The following FKBP9 variants were observed in gnomAD, a reference collection of about 807,000 sequenced individuals.
FKBP9 encodes the protein peptidyl-prolyl cis-trans isomerase FKBP9.
Under a neutral mutation model 55.6 loss-of-function variants are expected in FKBP9, and 27 were observed. The ratio of observed to expected loss-of-function variants is 0.49; its 90% CI spans 0.36 to 0.67. The LOEUF (loss-of-function observed/expected upper bound fraction) is 0.67. Among genes scored for constraint, FKBP9 ranks in the 30% least tolerant of loss-of-function variants. The probability of loss-of-function intolerance (pLI) is 0.00; values close to 1 mark genes in which losing one functional copy is unlikely to be tolerated. For synonymous variants in FKBP9, 267 were observed against 296.5 expected, an observed-to-expected ratio of 0.90 and a Z score of 1.02; for missense variants, 539 against 742.8, an observed-to-expected ratio of 0.73 and a Z score of 3.19.
At chr7:33,004,103 C>T (rs184075858) in intron 9 of FKBP9, among the ~76,000 whole-genome samples, 62 of 152,164 alleles carry the variant, frequency 4.1e-4, no homozygotes, top group African/African-American at 1.4e-3. Flanking sequence ...TCTCGTAGGC[C>T]GTAATGGTCC....
intron 1 of FKBP9, among the ~76,000 whole-genome samples, chr7:32,960,860 T>C (rs767369350): frequency 1.9e-4 from 29 of 152,242 alleles, no homozygotes; most frequent in Non-Finnish European, 3.7e-4. Context: ...AGTTCACACA[T>C]AGTTCTTACC....
At chr7:33,004,276 TCA>T (rs1332852055) in intron 9 of FKBP9, among the ~76,000 whole-genome samples, 2 of 152,148 alleles carry the variant, frequency 1.3e-5, no homozygotes, top group East Asian at 3.9e-4. Flanking sequence ...GTGGCTGTTC[TCA>T]CACAGAAGCT....
chr7:33,000,800 C>T (rs2953601), intron 8 of FKBP9, among the ~76,000 whole-genome samples: 5 of 150,558 alleles, frequency 3.3e-5, no homozygotes, highest in Non-Finnish European at 4.4e-5. Flanking sequence ...TTTTTTTCAG[C>T]GACAGGGTCT....
At chr7:32,999,627 T>G (rs1221920293) in intron 7 of FKBP9, among the ~76,000 whole-genome samples, 1 of 152,212 alleles carries the variant, frequency 6.6e-6, no homozygotes, top group East Asian at 1.9e-4. Flanking sequence ...GATAGCTATA[T>G]TTGTTGTCTC....
chr7:32,975,159 A>T, intron 2 of FKBP9, 23 bp from the exon 3 acceptor site: 1 of 1,601,170 alleles, frequency 6.2e-7, no homozygotes, highest in Non-Finnish European at 8.6e-7. Context: ...CTGTGAACTC[A>T]GTGTGTAATC....
At chr7:32,987,688 C>T (rs188775069) in intron 5 of FKBP9, among the ~76,000 whole-genome samples, 1 of 152,176 alleles carries the variant, frequency 6.6e-6, no homozygotes, top group Admixed American at 6.5e-5. Flanking sequence ...GGCTGGAGTG[C>T]AGTGTTGTGA....
At chr7:33,003,621 C>T (rs141482247) in intron 9 of FKBP9, among the ~76,000 whole-genome samples, 16,273 of 152,136 alleles carry the variant, frequency 0.11, 1,249 homozygotes, top group Non-Finnish European at 0.16. Context: ...TTCCGTATCG[C>T]GGAATCCAGT....
Position 32,997,409 on chromosome 7 carries a change from G to T in FKBP9, c.1226+1060G>T, listed in dbSNP as rs150573722. Among the ~76,000 whole-genome samples, 424 of 151,998 alleles carry T rather than the reference G, an allele frequency of 2.8e-3. 3 individuals carry two copies. The highest frequency in any genetic ancestry group is 9.7e-3 in the African/African-American group (404 of 41,450). On this transcript the variant is annotated intron_variant, in intron 7 of 9. Coordinates refer to ENST00000242209, the MANE Select transcript of FKBP9 (RefSeq NM_007270.5). ...TAAAATTTTTTTAGAGATGGGGGGG[G>T]TCTCACTATGTTGCCCAGGCTGGTC...
At chr7:32,978,179 C>T (rs560157662) in intron 4 of FKBP9, among the ~76,000 whole-genome samples, 242 of 151,922 alleles carry the variant, frequency 1.6e-3, no homozygotes, top group African/African-American at 4.8e-3. Context: ...ACCTCGGCCT[C>T]CCAAAGTGCT....
intron 6 of FKBP9, among the ~76,000 whole-genome samples, chr7:32,991,607 C>T (rs1289238989): frequency 1.3e-5 from 2 of 151,684 alleles, no homozygotes; most frequent in African/African-American, 4.8e-5. Context: ...CTCTCAGCCT[C>T]TATCAGCATT....
In FKBP9 at chr7:32,975,248, A is replaced by T; in HGVS notation, c.434A>T (p.Glu145Val). ...CTTCTGATGGATATTTGGAATTCTG[A>T]AGACCAGGTTCAGATTCACACCTAT... Reference protein sequence around the residue: ...DVLLMDIWNSEDQVQIHTYFK... With the variant: ...DVLLMDIWNSVDQVQIHTYFK... The change falls in exon 3 of 10, where the codon GAA becomes GTA. Residue 145 changes from glutamate to valine, a missense_variant. Transcript: ENST00000242209. 1.9e-6 allele frequency: 3 copies of T among 1,613,794 alleles called. No individual in the cohort carries two copies. The highest frequency in any genetic ancestry group is 2.5e-6 in the Non-Finnish European group (3 of 1,179,714).
At chr7:32,994,376 T>C (rs1359339657) in intron 6 of FKBP9, among the ~76,000 whole-genome samples, 1 of 152,238 alleles carries the variant, frequency 6.6e-6, no homozygotes, top group East Asian at 1.9e-4. Context: ...CTTCTTTCAC[T>C]TAGCATAATG....
rs1044719225 is a variant in FKBP9 at position 32,978,085 on chromosome 7, C to A, written c.703+1586C>A. On this transcript the variant is annotated intron_variant, in intron 4 of 9. Coordinates refer to ENST00000242209, the MANE Select transcript of FKBP9 (RefSeq NM_007270.5). ...TACAGGCGTATGCAACCATGCCTGG[C>A]AGATTTTTGTATTTTTAGTAGAGAC... Among the ~76,000 whole-genome samples, 10 of 151,702 alleles carry A rather than the reference C, an allele frequency of 6.6e-5. No individual in the cohort carries two copies. In the South Asian group the frequency reaches 1.9e-3, roughly 28 times the overall value.
chr7:33,002,631 C>T, intron 8 of FKBP9, 45 bp from the exon 9 acceptor site: 1 of 1,600,072 alleles, frequency 6.2e-7, no homozygotes, highest in Non-Finnish European at 8.5e-7. Context: ...GGCTTGACTG[C>T]TGCCTGCCGG....
chr7:33,000,275 C>G lies in FKBP9; in HGVS notation c.1372+15C>G. 6.2e-7 allele frequency: 1 copy of G among 1,603,998 alleles called. No individual in the cohort carries two copies. Among genetic ancestry groups the G allele is most frequent in the Admixed American group, 1.7e-5 (1 of 59,606 alleles). On this transcript the variant is annotated intron_variant, in intron 8 of 9. Transcript: ENST00000242209. ...AGCTGGCGTGGGTGAGTAAGCAACGCTATTCAAGGGTGTTGGGGGCCCGCT... is the reference window on the plus strand; with the variant it reads ...AGCTGGCGTGGGTGAGTAAGCAACGGTATTCAAGGGTGTTGGGGGCCCGCT...
intron 1 of FKBP9, among the ~76,000 whole-genome samples, chr7:32,959,289 C>G (rs1356675606): frequency 6.6e-6 from 1 of 152,180 alleles, no homozygotes; most frequent in African/African-American, 2.4e-5. Flanking sequence ...CCTGTAATCC[C>G]AACTACGCGG....
Position 33,005,732 on chromosome 7 carries a change from G to A in FKBP9, c.*381G>A, listed in dbSNP as rs1256507576. 15 of 238,882 alleles carry A rather than the reference G, an allele frequency of 6.3e-5. No individual in the cohort carries two copies. The highest frequency in any genetic ancestry group is 4.1e-5 in the Non-Finnish European group (5 of 121,864). The allele number at this position is 238,882 out of a possible 1,614,324, so 14.8% of individuals were successfully genotyped here. A position where few individuals can be genotyped will look rare whatever the true frequency, so the allele number is the denominator to read the frequency against. Reference sequence around the variant, plus strand: ...AAGGTGTCCAGGGTATCTATATAAAGAGGGTTAAATTTTTTTTTAACTTGC... The same window carrying A: ...AAGGTGTCCAGGGTATCTATATAAAAAGGGTTAAATTTTTTTTTAACTTGC... On this transcript the variant is annotated 3_prime_UTR_variant, in exon 10 of 10. Transcript: ENST00000242209.
chr7:32,973,641 T>C (rs1323211984), intron 1 of FKBP9, among the ~76,000 whole-genome samples: 1 of 150,450 alleles, frequency 6.6e-6, no homozygotes, highest in African/African-American at 2.5e-5. Context: ...ATGTTGCTTT[T>C]AGGTACCAAT....
At chr7:32,987,137 C>T (rs557510947) in intron 5 of FKBP9, among the ~76,000 whole-genome samples, 10 of 152,048 alleles carry the variant, frequency 6.6e-5, no homozygotes, top group Admixed American at 6.6e-5. Context: ...GGCCTTTTGT[C>T]GGGCTGTGGT....
Sources: gnomAD v4.1 joint callset for allele counts (sites outside exome capture counted in the v4.1 genomes callset) on GRCh38, gnomAD v4.1.1 for gene constraint, MANE v1.5 for transcripts, NCBI Gene and HGNC (gene_info 2026-07-23, HGNC 2026-07-21) for gene names.